PDE1C: variants seen among roughly 807,000 people sequenced by gnomAD.
The protein encoded by PDE1C is phosphodiesterase 1C.
PDE1C carries 62 observed loss-of-function variants against 93.1 expected under a neutral mutation model. That is an observed-to-expected ratio of 0.67 (90% CI 0.54 to 0.82). The LOEUF (loss-of-function observed/expected upper bound fraction) is 0.82, where lower values mean the gene tolerates loss of function less well. Among genes scored for constraint, PDE1C ranks in the 40% least tolerant of loss-of-function variants. PDE1C has a pLI of 0.00. For synonymous variants in PDE1C, 325 were observed against 310.1 expected, an observed-to-expected ratio of 1.05 and a Z score of -0.50; for missense variants, 742 against 884.6, an observed-to-expected ratio of 0.84 and a Z score of 2.04.
At position 31,964,506 on chromosome 7, in the gene PDE1C, C is replaced by T. The variant is rs180790362; in HGVS notation, c.129-83646G>A. On this transcript the variant is annotated intron_variant, in intron 2 of 17. Transcript: ENST00000396191. ...ACCACAGCTCAAGGAGGCCTGCCTG[C>T]CTCTGTAGGCTCCACCTTTGAGGGC... 8.1e-3 allele frequency among the ~76,000 whole-genome samples: 1,230 copies of T among 152,338 alleles called. 19 individuals carry two copies. The highest frequency in any genetic ancestry group is 0.028 in the African/African-American group (1,180 of 41,572).
In PDE1C at chr7:31,966,725, C is replaced by G. The variant is rs552878044; in HGVS notation, c.128+84829G>C. 4.9e-4 allele frequency among the ~76,000 whole-genome samples: 75 copies of G among 152,316 alleles called. No homozygotes were observed. In the Middle Eastern group the frequency reaches 0.02, roughly 41 times the overall value. On this transcript the variant is annotated intron_variant, in intron 2 of 17. Coordinates refer to ENST00000396191, the MANE Select transcript of PDE1C (RefSeq NM_001191057.4). ...TAGTTGGAAGTAAAGCACTCCTCAG[C>G]AAATGTGAAAGAACAGAAATTATAA...
intron 3 of PDE1C, among the ~76,000 whole-genome samples, chr7:32,156,267 T>A (rs1410833616): frequency 6.6e-6 from 1 of 152,160 alleles, no homozygotes; most frequent in East Asian, 1.9e-4. Flanking sequence ...TAACTATTTA[T>A]CCTCATGCTC....
At chr7:31,956,457 C>A (rs1808160787) in intron 2 of PDE1C, among the ~76,000 whole-genome samples, 1 of 151,630 alleles carries the variant, frequency 6.6e-6, no homozygotes, top group Admixed American at 6.6e-5. Flanking sequence ...CCTTCTGACT[C>A]ATCTATTTCT....
At chr7:31,858,279 G>C (rs774605059) in intron 7 of PDE1C, among the ~76,000 whole-genome samples, 2 of 152,132 alleles carry the variant, frequency 1.3e-5, no homozygotes, top group Admixed American at 1.3e-4. Flanking sequence ...AGTGAGTTGT[G>C]AGCAGAAGTG....
At chr7:32,126,172 A>T (rs1330923341) in intron 3 of PDE1C, among the ~76,000 whole-genome samples, 6 of 151,992 alleles carry the variant, frequency 3.9e-5, no homozygotes, top group Admixed American at 3.3e-4. Flanking sequence ...TGAAAGAACC[A>T]GTGAATCACA....
the PDE1C span, among the ~76,000 whole-genome samples, chr7:31,720,169 CAAAAAAAAAAA>C: frequency 9.2e-4 from 46 of 50,114 alleles, no homozygotes; most frequent in South Asian, 0.011. Flanking sequence ...GACTCCGTCT[CAAAAAAAAAAA>C]AAAAAAAAAA....
chr7:32,329,418 C>T (rs1783468411), intron 1 of PDE1C, among the ~76,000 whole-genome samples: 1 of 152,090 alleles, frequency 6.6e-6, no homozygotes, highest in African/African-American at 2.4e-5. Flanking sequence ...CAACAGAGAC[C>T]ACCTCGGAGC....
upstream of PDE1C, chr7:32,071,583 TCA>T (rs1033146612): frequency 1.9e-5 from 5 of 264,106 alleles, no homozygotes; most frequent in African/African-American, 1.2e-4. Flanking sequence ...CAGATCAATA[TCA>T]CACGCTACTC....
chr7:31,786,319 A>C (rs973386257), intron 16 of PDE1C: 6 of 151,506 alleles, frequency 4.0e-5, no homozygotes, highest in African/African-American at 1.5e-4. Context: ...TTCTTAAATC[A>C]AGAGGCCATA....
intron 1 of PDE1C, among the ~76,000 whole-genome samples, chr7:32,405,665 G>A (rs1160051190): frequency 6.6e-6 from 1 of 152,194 alleles, no homozygotes; most frequent in African/African-American, 2.4e-5. Flanking sequence ...TTGAGGCTGA[G>A]GCCTTGTGTC....
chr7:32,290,800 A>C (rs1812284951), intron 1 of PDE1C, among the ~76,000 whole-genome samples: 2 of 152,234 alleles, frequency 1.3e-5, no homozygotes, highest in Admixed American at 1.3e-4. Flanking sequence ...ACAACCATAA[A>C]GTATCAAGAG....
At chr7:32,186,101 T>TGG (rs1562559931) in intron 2 of PDE1C, among the ~76,000 whole-genome samples, 1 of 144,992 alleles carries the variant, frequency 6.9e-6, no homozygotes, top group East Asian at 2.0e-4. Flanking sequence ...TTTTTTTTTT[T>TGG]TTTTTTTTTT....
chr7:32,358,993 G>A (rs77201073), intron 1 of PDE1C, among the ~76,000 whole-genome samples: 1 of 151,720 alleles, frequency 6.6e-6, no homozygotes, highest in Admixed American at 6.6e-5. Flanking sequence ...CTTGGCTCCT[G>A]TCCTTGCTGG....
chr7:31,880,844 T>G lies in PDE1C; in HGVS notation c.145A>C (p.Lys49Gln), dbSNP rs375138042. 6.2e-7 allele frequency: 1 copy of G among 1,604,758 alleles called. No individual in the cohort carries two copies. Among genetic ancestry groups the G allele is most frequent in the Non-Finnish European group, 8.5e-7 (1 of 1,171,904 alleles). The change falls in exon 3 of 18, where the codon AAA becomes CAA. Residue 49 changes from lysine (K) to glutamine (Q), a missense_variant. Around this residue, in one of 4 missense-constraint regions of PDE1C, gnomAD observed 74 missense variants for 88.2 expected, o/e 0.84. Coordinates refer to ENST00000396191, the MANE Select transcript of PDE1C (RefSeq NM_001191057.4). The stretch of plus-strand genomic sequence containing the variant: ...GAAGCTTCCCCTCTCTCTAATTGTT[T>G]GACCAAAGACCGTAATCTAGAAAAA... ...KTSQRLRSLV[K>Q]QLERGEASVV... is the part of the protein sequence containing the mutation.
intron 1 of PDE1C, among the ~76,000 whole-genome samples, chr7:32,224,442 A>G (rs527355328): frequency 6.6e-6 from 1 of 152,154 alleles, no homozygotes; most frequent in East Asian, 1.9e-4. Flanking sequence ...CTGCCATCTT[A>G]CCAAACCTCT....
chr7:32,025,041 T>C (rs1371587476), intron 2 of PDE1C, among the ~76,000 whole-genome samples: 1 of 151,950 alleles, frequency 6.6e-6, no homozygotes, highest in East Asian at 1.9e-4. Flanking sequence ...CAGGAAATGG[T>C]CCCAGAATCA....
chr7:31,640,417 T>C, the PDE1C span, among the ~76,000 whole-genome samples: 2 of 152,214 alleles, frequency 1.3e-5, no homozygotes, highest in Non-Finnish European at 2.9e-5. Flanking sequence ...CTTCCTCTCC[T>C]CTGTGTGCCC....
intron 2 of PDE1C, chr7:32,209,390 C>T: frequency 1.0e-6 from 1 of 976,740 alleles, no homozygotes; most frequent in Non-Finnish European, 1.5e-6. Context: ...ATTTTATTAA[C>T]ACCTGACAGA....
At chr7:32,007,312 G>C (rs569120986) in intron 2 of PDE1C, among the ~76,000 whole-genome samples, 1 of 152,226 alleles carries the variant, frequency 6.6e-6, no homozygotes, top group African/African-American at 2.4e-5. Context: ...TTCCCCCAAA[G>C]AGCCACCTCA....
Sources: allele counts gnomAD v4.1 joint callset (sites outside exome capture counted in the v4.1 genomes callset), GRCh38; gene constraint gnomAD v4.1.1; regional missense constraint gnomAD v4.1.1; transcripts MANE v1.5; gene names NCBI Gene and HGNC (gene_info 2026-07-23, HGNC 2026-07-21).